PTPA: variants seen among roughly 807,000 people sequenced by gnomAD.
The protein encoded by PTPA is serine/threonine-protein phosphatase 2A activator.
PTPA carries 13 observed loss-of-function variants against 43.6 expected under a neutral mutation model. That is an observed-to-expected ratio of 0.30 (90% CI 0.19 to 0.47). PTPA has a LOEUF of 0.47. PTPA is among the 20% of genes least tolerant of loss of function. The probability of loss-of-function intolerance (pLI) is 0.99; values close to 1 mark genes in which losing one functional copy is unlikely to be tolerated. For missense variants in PTPA, 329 were observed against 411.9 expected (o/e 0.80, Z 1.74); for synonymous variants, 172 against 158.2 (o/e 1.09, Z -0.66).
At chr9:129,123,757 C>T (rs532701153) in intron 3 of PTPA, among the ~76,000 whole-genome samples, 2 of 151,968 alleles carry the variant, frequency 1.3e-5, no homozygotes, top group Admixed American at 6.5e-5. Context: ...GATCTTGGCT[C>T]ACCAAAACCT....
At chr9:129,126,392 C>T (rs1169161843) in intron 3 of PTPA, among the ~76,000 whole-genome samples, 1 of 151,808 alleles carries the variant, frequency 6.6e-6, no homozygotes, top group Non-Finnish European at 1.5e-5. Flanking sequence ...GTTGGTCAGG[C>T]TGGTCTCGAA....
rs190621137 is a variant in PTPA, at chr9:129,131,017, C to T, written c.343-505C>T. Among the ~76,000 whole-genome samples the T allele has an allele frequency of 9.2e-5, 14 of 152,308 alleles. No homozygotes were observed. The East Asian group carries it at 9.6e-4, about 10-fold the overall frequency. On this transcript the variant is annotated intron_variant, in intron 4 of 9. Coordinates refer to ENST00000393370, the MANE Select transcript of PTPA (RefSeq NM_178000.3). ...GTCTTTTTCTTTGCTGTGTAGTATT[C>T]TATTGTATGAATATACCACAATTTA...
Position 129,131,617 on chromosome 9 carries a change from C to T in PTPA, c.438C>T (p.Ser146=). Residue 146 remains serine, a synonymous_variant, in exon 5 of 10, where the codon TCC becomes TCT. Transcript: ENST00000393370. ...ACCTAAAGGAGTCAGTGGGGAACTC[C>T]ACGCGCATTGACTACGGCACAGGTA... is the stretch of plus-strand genomic sequence containing the variant. ...AVYLKESVGN[S]TRIDYGTGHE... 2 of 1,614,154 alleles carry T rather than the reference C, an allele frequency of 1.2e-6. No homozygotes were observed. The highest frequency in any genetic ancestry group is 1.7e-6 in the Non-Finnish European group (2 of 1,179,982).
intron 7 of PTPA, 79 bp from the exon 8 acceptor site, chr9:129,137,513 G>C (rs937341554): frequency 1.7e-6 from 2 of 1,152,690 alleles, no homozygotes; most frequent in Non-Finnish European, 2.5e-6. Context: ...GGCCCCTGGG[G>C]GGGTGTGACT....
intron 9 of PTPA, among the ~76,000 whole-genome samples, chr9:129,144,866 C>G (rs548347380): frequency 6.6e-6 from 1 of 151,894 alleles, no homozygotes; most frequent in Non-Finnish European, 1.5e-5. Flanking sequence ...AACCCCGTCT[C>G]TACTAAAAAT....
intron 3 of PTPA, among the ~76,000 whole-genome samples, chr9:129,127,191 C>G (rs1430957418): frequency 6.6e-6 from 1 of 152,174 alleles, no homozygotes. Context: ...TTTCTGTCCT[C>G]CCATGCCCCA....
rs537454664 is a variant in PTPA, at chr9:129,137,510, G to A, written c.686-82G>A. 4.5e-6 allele frequency: 5 copies of A among 1,109,200 alleles called. No homozygotes were observed. In the African/African-American group the frequency reaches 6.2e-5, roughly 14 times the overall value. 68.7% of individuals were successfully genotyped at this position (1,109,200 alleles called of 1,614,324 possible). A position where few individuals can be genotyped will look rare whatever the true frequency, so the allele number is the denominator to read the frequency against. On this transcript the variant is annotated intron_variant, in intron 7 of 9. Coordinates refer to ENST00000393370, the MANE Select transcript of PTPA (RefSeq NM_178000.3). ...CACCACGGGCAGGACTGAGGCCCCTGGGGGGGTGTGACTGCTGGGCCGGGT... is the reference window on the plus strand; with the variant it reads ...CACCACGGGCAGGACTGAGGCCCCTAGGGGGGTGTGACTGCTGGGCCGGGT...
intron 9 of PTPA, among the ~76,000 whole-genome samples, chr9:129,144,025 C>G (rs533982702): frequency 6.6e-6 from 1 of 151,394 alleles, no homozygotes. Flanking sequence ...CTGCTTGGTA[C>G]CTGAAGTACT....
At chr9:129,145,250 G>A (rs1272482540) in intron 9 of PTPA, among the ~76,000 whole-genome samples, 1 of 151,146 alleles carries the variant, frequency 6.6e-6, no homozygotes, top group South Asian at 2.1e-4. Flanking sequence ...ACAGTCACTT[G>A]AATTTGGGAG....
chr9:129,138,133 C>T (rs758794178), intron 8 of PTPA: 16 of 242,772 alleles, frequency 6.6e-5, no homozygotes, highest in Non-Finnish European at 1.1e-4. Flanking sequence ...GACAGCTTTT[C>T]TGTCGAAGGG....
Position 129,131,657 on chromosome 9 carries a change from G to A in PTPA, c.460+18G>A. Reference sequence around the variant, plus strand: ...CGGCACAGGTATCTGCTGCTTGTGGGGCTCTGTACTTATCTAGCTTCACTG... The same window carrying A: ...CGGCACAGGTATCTGCTGCTTGTGGAGCTCTGTACTTATCTAGCTTCACTG... On this transcript the variant is annotated intron_variant, in intron 5 of 9. Transcript: ENST00000393370. 1 of 1,606,406 alleles carries A rather than the reference G, an allele frequency of 6.2e-7. No individual in the cohort carries two copies. The highest frequency in any genetic ancestry group is 8.5e-7 in the Non-Finnish European group (1 of 1,173,076).
At chr9:129,144,937 A>G (rs561238873) in intron 9 of PTPA, among the ~76,000 whole-genome samples, 1 of 151,732 alleles carries the variant, frequency 6.6e-6, no homozygotes, top group South Asian at 2.1e-4. Context: ...GGAGGCTGAG[A>G]CGGGAGAATC....
chr9:129,113,056 T>TA (rs142664760), intron 1 of PTPA, among the ~76,000 whole-genome samples: 15,124 of 109,900 alleles, frequency 0.14, 2,489 homozygotes, highest in African/African-American at 0.39. Context: ...GCTGATGAGC[T>TA]AAAAAAAAAG....
chr9:129,120,710 C>G, intron 2 of PTPA, 100 bp downstream of exon 2: 7 of 1,023,454 alleles, frequency 6.8e-6, no homozygotes, highest in South Asian at 5.9e-5. Flanking sequence ...GCTCTTGGAG[C>G]CTGACTTTTC....
intron 2 of PTPA, among the ~76,000 whole-genome samples, chr9:129,122,398 T>A (rs1031872231): frequency 1.3e-5 from 2 of 152,190 alleles, no homozygotes; most frequent in Admixed American, 1.3e-4. Context: ...CCACAATACC[T>A]GACCCTCAGT....
intron 5 of PTPA, among the ~76,000 whole-genome samples, chr9:129,134,542 A>G (rs567541436): frequency 6.6e-5 from 10 of 152,022 alleles, no homozygotes; most frequent in Non-Finnish European, 1.0e-4. Flanking sequence ...GAGCTCAAGC[A>G]AGCTGCCTGC....
chr9:129,119,438 C>T (rs1034241775), intron 1 of PTPA: 4 of 150,316 alleles, frequency 2.7e-5, no homozygotes, highest in Admixed American at 1.3e-4. Flanking sequence ...CGAAGTCTCG[C>T]TCTGTTGCCT....
At chr9:129,117,813 C>T (rs7029880) in intron 1 of PTPA, among the ~76,000 whole-genome samples, 89,231 of 150,486 alleles carry the variant, frequency 0.59, 28,338 homozygotes, top group Non-Finnish European at 0.7. Context: ...TCTCCTGCTT[C>T]AGCCTCCCAA....
chr9:129,142,676 C>G (rs1425020340), intron 9 of PTPA, 124 bp downstream of exon 9: 4 of 1,549,008 alleles, frequency 2.6e-6, no homozygotes, highest in Non-Finnish European at 3.5e-6. Flanking sequence ...TGCTCTGAAT[C>G]TTAGGCCAGC....
Sources: allele counts gnomAD v4.1 joint callset (sites outside exome capture counted in the v4.1 genomes callset), GRCh38; gene constraint gnomAD v4.1.1; transcripts MANE v1.5; gene names NCBI Gene and HGNC (gene_info 2026-07-23, HGNC 2026-07-21).